Variants in WNK2 observed in about 807,000 individuals in gnomAD.
WNK2 encodes the protein serine/threonine-protein kinase WNK2.
Under a neutral mutation model 192.1 loss-of-function variants are expected in WNK2, and 67 were observed. That is an observed-to-expected ratio of 0.35 (90% CI 0.29 to 0.43). The LOEUF (loss-of-function observed/expected upper bound fraction) is 0.43, where lower values mean the gene tolerates loss of function less well. WNK2 is among the 20% of genes least tolerant of loss of function. The probability of loss-of-function intolerance (pLI) is 1.00; values close to 1 mark genes in which losing one functional copy is unlikely to be tolerated. For missense variants in WNK2, 2,698 were observed against 3,089.7 expected (o/e 0.87, Z 3.01); for synonymous variants, 1,439 against 1,393.9 (o/e 1.03, Z -0.72).
intron 2 of WNK2, among the ~76,000 whole-genome samples, chr9:93,202,360 G>GTGTT (rs1264950093): frequency 6.8e-6 from 1 of 147,962 alleles, no homozygotes; most frequent in Non-Finnish European, 1.5e-5. Context: ...GTGTGTGTGT[G>GTGTT]TGTGTGTATG....
chr9:93,221,851 C>T (rs543989841), intron 2 of WNK2, among the ~76,000 whole-genome samples: 18 of 152,096 alleles, frequency 1.2e-4, no homozygotes, highest in South Asian at 4.1e-4. Flanking sequence ...GAGCTGGAGA[C>T]GTGTTTATTC....
chr9:93,310,624 C>T (rs530593753), intron 28 of WNK2, among the ~76,000 whole-genome samples: 2 of 152,332 alleles, frequency 1.3e-5, no homozygotes, highest in African/African-American at 4.8e-5. Flanking sequence ...TCAGCCCCCT[C>T]TCTGGCACCT....
intron 23 of WNK2, among the ~76,000 whole-genome samples, chr9:93,293,427 C>T (rs543827755): frequency 3.3e-4 from 50 of 151,540 alleles, no homozygotes; most frequent in Non-Finnish European, 6.0e-4. Context: ...TCAAGCGATT[C>T]TCCTCCCTCA....
intron 25 of WNK2, among the ~76,000 whole-genome samples, chr9:93,299,565 T>C (rs1851227455): frequency 1.3e-5 from 2 of 152,106 alleles, no homozygotes; most frequent in African/African-American, 4.8e-5. Flanking sequence ...GGCTGTGTGC[T>C]CCGGCGCCAG....
chr9:93,310,301 C>A (rs975894533), intron 28 of WNK2, among the ~76,000 whole-genome samples: 1 of 152,214 alleles, frequency 6.6e-6, no homozygotes, highest in Non-Finnish European at 1.5e-5. Context: ...CGAGGCTGCA[C>A]CCGGAGCCTG....
At chr9:93,208,285 A>G (rs978035547) in intron 2 of WNK2, among the ~76,000 whole-genome samples, 2 of 152,142 alleles carry the variant, frequency 1.3e-5, no homozygotes, top group Non-Finnish European at 2.9e-5. Context: ...CTCTCACTTT[A>G]TATTCTTCTG....
At chr9:93,244,426 T>C (rs1280627536) in intron 7 of WNK2, among the ~76,000 whole-genome samples, 1 of 152,152 alleles carries the variant, frequency 6.6e-6, no homozygotes, top group Non-Finnish European at 1.5e-5. Context: ...GCAATGCGCC[T>C]GTGTGGCACT....
At chr9:93,235,043 G>C in intron 5 of WNK2, 78 bp downstream of exon 5, 6 of 1,536,620 alleles carry the variant, frequency 3.9e-6, no homozygotes, top group Non-Finnish European at 5.3e-6. Context: ...GCTCCATGTG[G>C]CTCTGTAAAG....
At chr9:93,284,027 G>A (rs1848094427) in intron 19 of WNK2, among the ~76,000 whole-genome samples, 1 of 152,232 alleles carries the variant, frequency 6.6e-6, no homozygotes, top group African/African-American at 2.4e-5. Flanking sequence ...AGGCACATAT[G>A]TTTGGACCTC....
chr9:93,290,072 C>G, intron 21 of WNK2, 25 bp downstream of exon 21: 1 of 1,552,164 alleles, frequency 6.4e-7, no homozygotes, highest in Non-Finnish European at 8.7e-7. Flanking sequence ...CTGAACCCTG[C>G]GTTCACAAGG....
intron 2 of WNK2, among the ~76,000 whole-genome samples, chr9:93,212,621 G>T (rs1564001941): frequency 6.6e-6 from 1 of 152,212 alleles, no homozygotes; most frequent in South Asian, 2.1e-4. Context: ...TTGCTAAGCT[G>T]CTGAGCCTGT....
At chr9:93,221,793 C>T (rs1331838464) in intron 2 of WNK2, among the ~76,000 whole-genome samples, 13 of 152,132 alleles carry the variant, frequency 8.5e-5, no homozygotes, top group Non-Finnish European at 7.4e-5. Context: ...CGGGAAGAGC[C>T]GCGTCGTGTC....
chr9:93,289,262 C>T lies in WNK2; in HGVS notation c.4508C>T (p.Ala1503Val), dbSNP rs760163042. The T allele has an allele frequency of 1.0e-5, 16 of 1,601,784 alleles. No homozygotes were observed. The highest frequency in any genetic ancestry group is 1.4e-5 in the Non-Finnish European group (16 of 1,175,806). Reference protein sequence around the residue: ...LGQPAPLLPAAVGAVSLATSQ... With the variant: ...LGQPAPLLPAVVGAVSLATSQ... ...CAACCTGCTCCCCTGCTTCCTGCCG[C>T]AGTGGGGGCCGTCAGCCTGGCCACC... The change falls in exon 20 of 30, where the codon GCA becomes GTA. Residue 1503 changes from alanine to valine, a missense_variant. Ala to Val is a moderately conservative substitution (Grantham distance 64). Transcript: ENST00000427277.
chr9:93,254,678 G>A (rs1843035917), intron 9 of WNK2, among the ~76,000 whole-genome samples: 1 of 152,206 alleles, frequency 6.6e-6, no homozygotes, highest in Non-Finnish European at 1.5e-5. Context: ...TTAAGGAAAG[G>A]CGAGGCTGAA....
chr9:93,290,635 C>T (rs541914243), intron 21 of WNK2, among the ~76,000 whole-genome samples: 2 of 152,334 alleles, frequency 1.3e-5, no homozygotes, highest in African/African-American at 4.8e-5. Context: ...GGACCCACCC[C>T]AGCCCTTGCT....
At chr9:93,275,991 A>T (rs1396053395) in intron 19 of WNK2, among the ~76,000 whole-genome samples, 1 of 152,244 alleles carries the variant, frequency 6.6e-6, no homozygotes, top group Non-Finnish European at 1.5e-5. Context: ...GTGTTCATGG[A>T]TTGGAAGACT....
chr9:93,246,051 C>T (rs1841623239), intron 7 of WNK2, among the ~76,000 whole-genome samples: 1 of 152,192 alleles, frequency 6.6e-6, no homozygotes, highest in Non-Finnish European at 1.5e-5. Context: ...CTACCTGCCG[C>T]CCCCCACCTG....
At chr9:93,271,307 A>G (rs1453735712) in intron 19 of WNK2, among the ~76,000 whole-genome samples, 1 of 152,250 alleles carries the variant, frequency 6.6e-6, no homozygotes, top group Non-Finnish European at 1.5e-5. Flanking sequence ...TAAGGTTTAA[A>G]CAAGTCTCAG....
At chr9:93,213,900 A>G (rs903674320) in intron 2 of WNK2, among the ~76,000 whole-genome samples, 2 of 152,244 alleles carry the variant, frequency 1.3e-5, no homozygotes, top group African/African-American at 2.4e-5. Context: ...CGTGGGCAGT[A>G]TAAGCATCTT....
Sources: allele counts gnomAD v4.1 joint callset (sites outside exome capture counted in the v4.1 genomes callset), GRCh38; gene constraint gnomAD v4.1.1; transcripts MANE v1.5; gene names NCBI Gene and HGNC (gene_info 2026-07-23, HGNC 2026-07-21).